The following TRHDE variants were observed in gnomAD, a reference collection of about 807,000 sequenced individuals.
TRHDE encodes the protein thyrotropin releasing hormone degrading enzyme, also known as thyrotropin-releasing hormone-degrading ectoenzyme.
A neutral mutation model predicts 125.7 loss-of-function variants in TRHDE; 72 were observed. That is an observed-to-expected ratio of 0.57 (90% CI 0.47 to 0.70). The LOEUF is 0.70. TRHDE is among the 30% of genes least tolerant of loss of function. The probability of loss-of-function intolerance (pLI) is 0.00; values close to 1 mark genes in which losing one functional copy is unlikely to be tolerated. For missense variants in TRHDE, 1,110 were observed against 1,327.1 expected (o/e 0.84, Z 2.54); for synonymous variants, 509 against 509.1 (o/e 1.00, Z 0.00).
chr12:72,329,948 G>T (rs116680960), intron 2 of TRHDE, among the ~76,000 whole-genome samples: 1 of 152,084 alleles, frequency 6.6e-6, no homozygotes, highest in Non-Finnish European at 1.5e-5. Flanking sequence ...GAGAGATGAG[G>T]GATGAACGTG....
intron 2 of TRHDE, among the ~76,000 whole-genome samples, chr12:72,292,929 G>A (rs1880142975): frequency 3.3e-5 from 5 of 152,140 alleles, no homozygotes; most frequent in Admixed American, 2.6e-4. Context: ...GCCACGAAGG[G>A]TTTGGGTGGT....
chr12:72,560,573 A>G (rs1023738869), intron 7 of TRHDE: 1 of 152,146 alleles, frequency 6.6e-6, no homozygotes, highest in Non-Finnish European at 1.5e-5. Context: ...TGTAATCGCA[A>G]CCCTTTGGCA....
intron 2 of TRHDE, among the ~76,000 whole-genome samples, chr12:72,367,107 AATT>A (rs1409754004): frequency 6.6e-6 from 1 of 152,036 alleles, no homozygotes; most frequent in African/African-American, 2.4e-5. Context: ...ATCCATCACC[AATT>A]GTAAATTCTC....
chr12:72,617,557 T>C lies in TRHDE; in HGVS notation c.2322-1334T>C, dbSNP rs1387219421. 3.9e-5 allele frequency among the ~76,000 whole-genome samples: 6 copies of C among 152,184 alleles called. 1 individual carries two copies. The South Asian group carries it at 6.2e-4, about 16-fold the overall frequency. On this transcript the variant is annotated intron_variant, in intron 12 of 18. Coordinates refer to ENST00000261180, the MANE Select transcript of TRHDE (RefSeq NM_013381.3). ...ACAAAAGAACAGTGTGAAATATAGA[T>C]AAGCAGGACAACCAGGCTTTGTAGC...
intron 6 of TRHDE, among the ~76,000 whole-genome samples, chr12:72,522,305 T>C (rs1868264555): frequency 6.6e-6 from 1 of 152,238 alleles, no homozygotes; most frequent in Admixed American, 6.5e-5. Flanking sequence ...GTAGAGTTAT[T>C]ATATTTTGTA....
intron 3 of TRHDE, among the ~76,000 whole-genome samples, chr12:72,401,256 A>G (rs1456392851): frequency 2.0e-5 from 3 of 152,216 alleles, no homozygotes; most frequent in Non-Finnish European, 4.4e-5. Context: ...TAACTACGGC[A>G]ACAATAATAG....
Position 72,621,266 on chromosome 12 carries a change from A to T in TRHDE, c.2567+61A>T, listed in dbSNP as rs139139438. ...TAGAGCTGTATAATAATGTACTACT[A>T]GTGCCATTGTGACTTTAGCTGCATG... is the stretch of plus-strand genomic sequence containing the variant. On this transcript the variant is annotated intron_variant, in intron 14 of 18. Transcript: ENST00000261180. 286 of 1,070,406 alleles carry T rather than the reference A, an allele frequency of 2.7e-4. 5 individuals are homozygous for T. In the Middle Eastern group the frequency reaches 7.1e-3, roughly 27 times the overall value. The allele number at this position is 1,070,406 out of a possible 1,614,324, so 66.3% of individuals were successfully genotyped here. A position where few individuals can be genotyped will look rare whatever the true frequency, so the allele number is the denominator to read the frequency against.
chr12:72,646,308 A>AT (rs1375912232), intron 15 of TRHDE, among the ~76,000 whole-genome samples: 2 of 152,058 alleles, frequency 1.3e-5, no homozygotes, highest in Non-Finnish European at 2.9e-5. Flanking sequence ...ATATGTATAC[A>AT]TCAAGGTAAG....
In TRHDE at chr12:72,568,594, T is replaced by C. The variant is rs1251137029; in HGVS notation, c.2069T>C (p.Ile690Thr). The change falls in exon 10 of 19, where the codon ATT becomes ACT. Residue 690 changes from isoleucine (I) to threonine (T), a missense_variant. Ile to Thr is a moderately conservative substitution (Grantham distance 89). Transcript: ENST00000261180. ...TACCTGTGGCAGATTCCATTAACTA[T>C]TGTGGTAGGAAATAGAAGCCATGTG... is the stretch of plus-strand genomic sequence containing the variant. ...NSYLWQIPLT[I>T]VVGNRSHVSS... is the part of the protein sequence containing the mutation. 3 of 1,612,028 alleles carry C rather than the reference T, an allele frequency of 1.9e-6. No homozygotes were observed. The highest frequency in any genetic ancestry group is 3.3e-5 in the Admixed American group (2 of 59,950).
In TRHDE at chr12:72,562,997, G is replaced by A. The variant is rs756528069; in HGVS notation, c.1999G>A (p.Asp667Asn). 1.2e-6 allele frequency: 2 copies of A among 1,608,276 alleles called. No homozygotes were observed. Among genetic ancestry groups the A allele is most frequent in the South Asian group, 2.2e-5 (2 of 89,890 alleles). The change falls in exon 9 of 19, where the codon GAT (aspartate) becomes AAT (asparagine). Residue 667 changes from aspartate (D) to asparagine (N), a missense_variant. Around this residue, in one of 5 missense-constraint regions of TRHDE, gnomAD observed 527 missense variants for 651.8 expected, o/e 0.81. Coordinates refer to ENST00000261180, the MANE Select transcript of TRHDE (RefSeq NM_013381.3). ...IIITQQHFIYDISAKTKALKL... is the reference protein window; with the variant it reads ...IIITQQHFIYNISAKTKALKL... ...AATTACCCAACAGCATTTTATCTAT[G>A]ATATCAGTGCTAAAACTAAAGCACT...
At chr12:72,358,290 C>T (rs1565711340) in intron 2 of TRHDE, among the ~76,000 whole-genome samples, 1 of 151,546 alleles carries the variant, frequency 6.6e-6, no homozygotes, top group South Asian at 2.1e-4. Context: ...AGAGCAACCC[C>T]TCCTCTTTCT....
chr12:72,344,926 T>C (rs1438405792), intron 2 of TRHDE, among the ~76,000 whole-genome samples: 1 of 152,100 alleles, frequency 6.6e-6, no homozygotes, highest in Non-Finnish European at 1.5e-5. Context: ...AAGAGGTTCA[T>C]GTTGGCCTTG....
intron 5 of TRHDE, among the ~76,000 whole-genome samples, chr12:72,486,797 GTAAC>G (rs1877429449): frequency 6.6e-6 from 1 of 152,026 alleles, no homozygotes. Context: ...TAATTCTTCA[GTAAC>G]TAACCTGCAA....
At chr12:72,621,081 T>A (rs766125991) in intron 13 of TRHDE, 27 bp from the exon 14 acceptor site, 6 of 1,324,322 alleles carry the variant, frequency 4.5e-6, no homozygotes, top group Non-Finnish European at 6.5e-6. Flanking sequence ...ACTGACCTTA[T>A]CTTTATTTAT....
At chr12:72,493,288 A>C (rs1877765767) in intron 5 of TRHDE, among the ~76,000 whole-genome samples, 1 of 151,980 alleles carries the variant, frequency 6.6e-6, no homozygotes, top group African/African-American at 2.4e-5. Flanking sequence ...GTATTTGGAT[A>C]TCTATATTTG....
chr12:72,367,698 A>G (rs564966044), intron 2 of TRHDE, among the ~76,000 whole-genome samples: 9 of 152,186 alleles, frequency 5.9e-5, no homozygotes, highest in Non-Finnish European at 1.2e-4. Flanking sequence ...AAATCAAATT[A>G]TATTCACATA....
intron 2 of TRHDE, among the ~76,000 whole-genome samples, chr12:72,332,637 C>T (rs1869657639): frequency 6.6e-6 from 1 of 152,168 alleles, no homozygotes; most frequent in Non-Finnish European, 1.5e-5. Context: ...TTAATAATGT[C>T]TCTTCCACAA....
At chr12:72,133,949 GT>G (rs1875923204) in intron 2 of TRHDE, among the ~76,000 whole-genome samples, 1 of 152,162 alleles carries the variant, frequency 6.6e-6, no homozygotes, top group African/African-American at 2.4e-5. Context: ...GAGCAAACTG[GT>G]TTCTCTAGGC....
upstream of TRHDE, among the ~76,000 whole-genome samples, chr12:72,270,297 C>T (rs950804599): frequency 6.0e-5 from 9 of 151,250 alleles, no homozygotes; most frequent in African/African-American, 2.2e-4. Context: ...TTAAAAAATC[C>T]CACCCTGGCA....
Sources: allele counts gnomAD v4.1 joint callset (sites outside exome capture counted in the v4.1 genomes callset), GRCh38; gene constraint gnomAD v4.1.1; regional missense constraint gnomAD v4.1.1; transcripts MANE v1.5; gene names NCBI Gene and HGNC (gene_info 2026-07-23, HGNC 2026-07-21).